Variants in USP47 observed in about 807,000 individuals in gnomAD.
The protein encoded by USP47 is ubiquitin specific peptidase 47.
USP47 carries 35 observed loss-of-function variants against 165.1 expected under a neutral mutation model. The ratio of observed to expected loss-of-function variants is 0.21; its 90% CI spans 0.16 to 0.28. The LOEUF (loss-of-function observed/expected upper bound fraction) is 0.28. Ranked by LOEUF, USP47 falls within the 10% of genes least tolerant of loss-of-function variation. The pLI is 1.00. For missense variants in USP47, 1,277 were observed against 1,607.4 expected, an observed-to-expected ratio of 0.79 and a Z score of 3.52; for synonymous variants, 531 against 544.5, an observed-to-expected ratio of 0.98 and a Z score of 0.35.
At chr11:11,857,710 C>T (rs1425840287) in intron 1 of USP47, among the ~76,000 whole-genome samples, 1 of 152,180 alleles carries the variant, frequency 6.6e-6, no homozygotes, top group African/African-American at 2.4e-5. Flanking sequence ...GAGGCTACTC[C>T]CTTTGCAGAC....
chr11:11,887,465 A>AT (rs1851235799), intron 3 of USP47, among the ~76,000 whole-genome samples: 1 of 152,194 alleles, frequency 6.6e-6, no homozygotes, highest in Non-Finnish European at 1.5e-5. Context: ...ACCAACAAAG[A>AT]TAAAAAAAGA....
intron 25 of USP47, among the ~76,000 whole-genome samples, chr11:11,953,393 T>G (rs1415589891): frequency 6.6e-6 from 1 of 152,096 alleles, no homozygotes; most frequent in Non-Finnish European, 1.5e-5. Context: ...TCTAAATGTA[T>G]TAAGTTTATA....
intron 2 of USP47, among the ~76,000 whole-genome samples, 157 bp from the exon 3 acceptor site, chr11:11,884,310 C>T (rs180908567): frequency 1.7e-4 from 26 of 152,152 alleles, no homozygotes; most frequent in Non-Finnish European, 3.4e-4. Flanking sequence ...TTAGCTATTC[C>T]AGTTAATGAA....
Position 11,947,926 on chromosome 11 carries a change from G to GTTT in USP47, c.3092-11_3092-9dup. 17 of 1,334,282 alleles carry GTTT rather than the reference G, an allele frequency of 1.3e-5. No homozygotes were observed. Among genetic ancestry groups the GTTT allele is most frequent in the South Asian group, 5.7e-5 (4 of 69,620 alleles). 82.7% of individuals were successfully genotyped at this position (1,334,282 alleles called of 1,614,324 possible). On this transcript the variant is annotated intron_variant, in intron 20 of 27. Transcript: ENST00000527733. The stretch of plus-strand genomic sequence containing the variant: ...CTTTTACATTTTTGTTCCTGTTTTG[G>GTTT]TTTTTTTTTTGTGCTTAGGGTTGAT...
rs1247184309 is a variant in USP47, at chr11:11,960,420, T to G, written c.*4245T>G. On this transcript the variant is annotated 3_prime_UTR_variant, in exon 28 of 28. Transcript: ENST00000527733. ...CAGCATTGGTGCTCCCTCATGAAAT[T>G]TGACAGTGTCTTGCCAGCCTCCTGC... 9.0e-6 allele frequency among the ~76,000 whole-genome samples: 1 copy of G among 110,648 alleles called. No homozygotes were observed. The highest frequency in any genetic ancestry group is 3.1e-4 in the East Asian group (1 of 3,242). The allele number at this position is 110,648 out of a possible 152,430, so 72.6% of individuals were successfully genotyped here.
intron 1 of USP47, among the ~76,000 whole-genome samples, chr11:11,863,619 G>A (rs1321408596): frequency 6.6e-6 from 1 of 152,034 alleles, no homozygotes; most frequent in Non-Finnish European, 1.5e-5. Context: ...TCCACTGTCA[G>A]TATTTTAGTA....
chr11:11,933,670 A>T (rs990297070), intron 15 of USP47, among the ~76,000 whole-genome samples, 161 bp from the exon 16 acceptor site: 3 of 152,070 alleles, frequency 2.0e-5, no homozygotes, highest in African/African-American at 7.2e-5. Flanking sequence ...GTGAGACATA[A>T]CTGGTGTCAA....
rs1854558896 is a variant in USP47 at position 11,930,179 on chromosome 11, G to A, written c.1595+59G>A. On this transcript the variant is annotated intron_variant, in intron 13 of 27. Transcript: ENST00000527733. The stretch of plus-strand genomic sequence containing the variant: ...TTAGAATTAATTATAGCTTCTCAGT[G>A]TTTTTTTATCATCAAAGATTTAACC... The A allele has an allele frequency of 6.8e-6, 10 of 1,461,474 alleles. No homozygotes were observed. In the Admixed American group the frequency reaches 8.8e-5, roughly 13 times the overall value. 90.5% of individuals were successfully genotyped at this position (1,461,474 alleles called of 1,614,324 possible). A position where few individuals can be genotyped will look rare whatever the true frequency, so the allele number is the denominator to read the frequency against.
intron 19 of USP47, among the ~76,000 whole-genome samples, chr11:11,941,101 C>A (rs73413247): frequency 0.021 from 3,225 of 152,028 alleles, 99 homozygotes; most frequent in African/African-American, 0.074. Flanking sequence ...GATCATTTAT[C>A]ATTTTTCATA....
rs1336633189 is a variant in USP47 at position 11,930,732 on chromosome 11, G to A, written c.1632G>A (p.Lys544=). 4 of 1,604,038 alleles carry A rather than the reference G, an allele frequency of 2.5e-6. No homozygotes were observed. The highest frequency in any genetic ancestry group is 1.7e-5 in the Admixed American group (1 of 58,074). Reference sequence around the variant, plus strand: ...CATATATGCTGATCTATAGACTGAAGGATCCAGCCAGAAATGCAAGTATGT... The same window carrying A: ...CATATATGCTGATCTATAGACTGAAAGATCCAGCCAGAAATGCAAGTATGT... ...TNAYMLIYRL[K]DPARNAKFLE... The change falls in exon 14 of 28, where the codon AAG becomes AAA. Residue 544 remains lysine, a synonymous_variant. Coordinates refer to ENST00000527733, the MANE Select transcript of USP47 (RefSeq NM_001282659.2).
chr11:11,955,620 T>C (rs1856515089), intron 27 of USP47, among the ~76,000 whole-genome samples: 3 of 152,214 alleles, frequency 2.0e-5, no homozygotes, highest in Admixed American at 2.0e-4. Flanking sequence ...CTCACAAATC[T>C]GGGTTCAAAA....
At chr11:11,879,401 ATAAAGT>A (rs1850686147) in intron 1 of USP47, among the ~76,000 whole-genome samples, 1 of 152,114 alleles carries the variant, frequency 6.6e-6, no homozygotes, top group African/African-American at 2.4e-5. Flanking sequence ...ATTTCTTCCA[ATAAAGT>A]ATCTTTGATG....
intron 1 of USP47, among the ~76,000 whole-genome samples, chr11:11,858,108 A>C (rs536961364): frequency 6.6e-6 from 1 of 152,318 alleles, no homozygotes; most frequent in Non-Finnish European, 1.5e-5. Flanking sequence ...CTGCTGGTGC[A>C]GTTCCCATTA....
chr11:11,894,992 G>T (rs1851761614), intron 4 of USP47, among the ~76,000 whole-genome samples: 2 of 151,930 alleles, frequency 1.3e-5, no homozygotes, highest in South Asian at 4.1e-4. Flanking sequence ...ACTATATGAG[G>T]AGTATTTTTT....
At chr11:11,919,971 T>A (rs1183770044) in intron 8 of USP47, among the ~76,000 whole-genome samples, 185 bp from the exon 9 acceptor site, 1 of 151,806 alleles carries the variant, frequency 6.6e-6, no homozygotes, top group Non-Finnish European at 1.5e-5. Context: ...GAAATAATTT[T>A]TTTTGCTTAA....
chr11:11,884,292 T>C (rs1851014584), intron 2 of USP47, among the ~76,000 whole-genome samples, 175 bp from the exon 3 acceptor site: 1 of 152,190 alleles, frequency 6.6e-6, no homozygotes, highest in African/African-American at 2.4e-5. Context: ...TATGCACTGT[T>C]ACTGGGCTTA....
rs1850400436 is a variant in USP47, at chr11:11,876,096, G to A, written c.40-4081G>A. ...TGTAAAATAAATAGTTTCAACTTTA[G>A]GATTTATACCTTTTTTTGTACTTGG... On this transcript the variant is annotated intron_variant, in intron 1 of 27. Coordinates refer to ENST00000527733, the MANE Select transcript of USP47 (RefSeq NM_001282659.2). Among the ~76,000 whole-genome samples, 3 of 152,004 alleles carry A rather than the reference G, an allele frequency of 2.0e-5. No homozygotes were observed. In the South Asian group the frequency reaches 6.2e-4, roughly 32 times the overall value.
chr11:11,849,464 A>G (rs902378600), intron 1 of USP47, among the ~76,000 whole-genome samples: 2 of 152,182 alleles, frequency 1.3e-5, no homozygotes, highest in Non-Finnish European at 2.9e-5. Context: ...GCACTGCACA[A>G]GACAGCCTCC....
At chr11:11,937,538 C>T (rs1240033534) in intron 17 of USP47, among the ~76,000 whole-genome samples, 1 of 149,382 alleles carries the variant, frequency 6.7e-6, no homozygotes, top group Non-Finnish European at 1.5e-5. Flanking sequence ...AGACTCTACC[C>T]TATCTATAAA....
Sources: allele counts gnomAD v4.1 joint callset (sites outside exome capture counted in the v4.1 genomes callset), GRCh38; gene constraint gnomAD v4.1.1; transcripts MANE v1.5; gene names NCBI Gene and HGNC (gene_info 2026-07-23, HGNC 2026-07-21).